SRGAP1: variants seen among roughly 807,000 people sequenced by gnomAD.
SRGAP1 encodes SLIT-ROBO Rho GTPase-activating protein 1.
Under a neutral mutation model 121.9 loss-of-function variants are expected in SRGAP1, and 43 were observed. The observed-to-expected ratio is 0.35, with a 90% CI of 0.28 to 0.46. The LOEUF (loss-of-function observed/expected upper bound fraction) is 0.46. SRGAP1 is among the 20% of genes least tolerant of loss of function. The pLI is 1.00. For synonymous variants in SRGAP1, 447 were observed against 485.4 expected (o/e 0.92, Z 1.04); for missense variants, 1,102 against 1,350.9 (o/e 0.82, Z 2.89).
rs1181988095 is a variant in SRGAP1, at chr12:64,115,867, G to T, written c.2198G>T (p.Gly733Val). ...GTLEEVDQDAGTEPHTSEDEC... is the reference protein window; with the variant it reads ...GTLEEVDQDAVTEPHTSEDEC... ...TTGGAGGAAGTGGACCAAGATGCTG[G>T]TACAGAGCCCCACACAAGTGAAGAT... Residue 733 changes from glycine (G) to valine (V), a missense_variant, in exon 18 of 22, where the codon GGT becomes GTT. By Grantham distance (109) the Gly-to-Val change is moderately radical (BLOSUM62 -3). This residue lies in a region of SRGAP1 where 747 missense variants were observed against 929.4 expected (regional missense o/e 0.80). Coordinates refer to ENST00000355086, the MANE Select transcript of SRGAP1 (RefSeq NM_020762.4). 3.1e-6 allele frequency: 5 copies of T among 1,613,266 alleles called. No individual in the cohort carries two copies. Among genetic ancestry groups the T allele is most frequent in the Non-Finnish European group, 4.2e-6 (5 of 1,179,608 alleles).
intron 6 of SRGAP1, among the ~76,000 whole-genome samples, chr12:64,055,139 A>G (rs1290685799): frequency 2.0e-5 from 3 of 150,622 alleles, no homozygotes; most frequent in Non-Finnish European, 2.9e-5. Context: ...TAAGCTGATA[A>G]GCAACTTCAG....
At chr12:64,069,375 A>AT (rs2035599956) in intron 8 of SRGAP1, among the ~76,000 whole-genome samples, 1 of 152,214 alleles carries the variant, frequency 6.6e-6, no homozygotes, top group Admixed American at 6.5e-5. Flanking sequence ...TTCATAAGAG[A>AT]TTGTGACATT....
intron 1 of SRGAP1, among the ~76,000 whole-genome samples, chr12:63,959,423 C>G (rs1165915570): frequency 6.6e-6 from 1 of 152,036 alleles, no homozygotes; most frequent in Non-Finnish European, 1.5e-5. Context: ...GTTGTGAAGT[C>G]CAGTGCAATA....
Position 64,051,870 on chromosome 12 carries a change from A to T in SRGAP1, c.801+8295A>T, listed in dbSNP as rs150314578. 2.5e-3 allele frequency among the ~76,000 whole-genome samples: 374 copies of T among 152,260 alleles called. 1 individual carries two copies. Among genetic ancestry groups the T allele is most frequent in the African/African-American group, 8.5e-3 (352 of 41,552 alleles). On this transcript the variant is annotated intron_variant, in intron 6 of 21. Coordinates refer to ENST00000355086, the MANE Select transcript of SRGAP1 (RefSeq NM_020762.4). ...TATAAATAATGGTTTTTGGAGGTCT[A>T]CTGAAATGTATTTTTAGTAAATCTT...
In SRGAP1 at chr12:64,080,536, G is replaced by A. The variant is rs1313134849; in HGVS notation, c.1408+166G>A. ...TGTCATGATTAAGTTCTCCTGGCAC[G>A]ATTTTCTTCTAAAGCATGGTGCTAA... On this transcript the variant is annotated intron_variant, in intron 10 of 21. Coordinates refer to ENST00000355086, the MANE Select transcript of SRGAP1 (RefSeq NM_020762.4). 1.3e-5 allele frequency: 9 copies of A among 713,502 alleles called. No homozygotes were observed. In the Middle Eastern group the frequency reaches 9.7e-4, roughly 77 times the overall value. The allele number at this position is 713,502 out of a possible 1,614,324, so 44.2% of individuals were successfully genotyped here.
At chr12:63,939,516 G>A (rs983018970) in intron 1 of SRGAP1, among the ~76,000 whole-genome samples, 1 of 152,024 alleles carries the variant, frequency 6.6e-6, no homozygotes, top group Non-Finnish European at 1.5e-5. Flanking sequence ...AGAAAAAAAG[G>A]CATCCAGGGA....
chr12:64,002,369 T>C (rs1463368247), intron 3 of SRGAP1, among the ~76,000 whole-genome samples: 1 of 152,132 alleles, frequency 6.6e-6, no homozygotes, highest in Non-Finnish European at 1.5e-5. Flanking sequence ...CAACAACCTG[T>C]TGTTTTATTT....
intron 1 of SRGAP1, among the ~76,000 whole-genome samples, chr12:63,865,431 T>C (rs1899593668): frequency 6.6e-6 from 1 of 152,084 alleles, no homozygotes; most frequent in Non-Finnish European, 1.5e-5. Flanking sequence ...ATCCTGCCAC[T>C]GTACTCCAGC....
chr12:63,871,996 C>T lies in SRGAP1; in HGVS notation c.67+27113C>T, dbSNP rs571219452. ...TTGCCCTTCTTATACTGTGTCACTT[C>T]GTCAGGTGATGCTTACAAAGGTTCT... On this transcript the variant is annotated intron_variant, in intron 1 of 21. Coordinates refer to ENST00000355086, the MANE Select transcript of SRGAP1 (RefSeq NM_020762.4). The T allele has an allele frequency of 8.1e-5, 74 of 917,352 alleles. 1 individual carries two copies. The highest frequency in any genetic ancestry group is 1.2e-4 in the Non-Finnish European group (63 of 547,586). The allele number at this position is 917,352 out of a possible 1,614,324, so 56.8% of individuals were successfully genotyped here. A position where few individuals can be genotyped will look rare whatever the true frequency, so the allele number is the denominator to read the frequency against.
intron 10 of SRGAP1, among the ~76,000 whole-genome samples, chr12:64,082,609 C>G (rs1486720895): frequency 3.3e-5 from 5 of 152,242 alleles, no homozygotes; most frequent in African/African-American, 1.2e-4. Flanking sequence ...GCCACCACGC[C>G]CAGCTAATTT....
At chr12:63,994,276 A>T (rs1455152728) in intron 3 of SRGAP1, among the ~76,000 whole-genome samples, 1 of 152,212 alleles carries the variant, frequency 6.6e-6, no homozygotes, top group Non-Finnish European at 1.5e-5. Flanking sequence ...ATGTGAGATT[A>T]TACCAAATAT....
intron 1 of SRGAP1, among the ~76,000 whole-genome samples, chr12:63,921,348 C>T (rs1298090691): frequency 1.3e-5 from 2 of 152,160 alleles, no homozygotes; most frequent in Non-Finnish European, 2.9e-5. Flanking sequence ...AGTTCAAAAC[C>T]CTTCAAGACT....
chr12:63,948,214 A>G (rs1231842078), intron 1 of SRGAP1, among the ~76,000 whole-genome samples: 1 of 152,138 alleles, frequency 6.6e-6, no homozygotes, highest in Non-Finnish European at 1.5e-5. Flanking sequence ...TCCTTTAGTT[A>G]CCATTATCAC....
intron 3 of SRGAP1, among the ~76,000 whole-genome samples, chr12:64,002,805 A>C (rs1010835392): frequency 5.3e-5 from 8 of 152,152 alleles, no homozygotes; most frequent in Admixed American, 3.3e-4. Context: ...TCCTGATAGA[A>C]TAAAATTATC....
chr12:63,864,286 G>GAAT (rs760954085), intron 1 of SRGAP1, among the ~76,000 whole-genome samples: 3 of 152,128 alleles, frequency 2.0e-5, no homozygotes, highest in Non-Finnish European at 2.9e-5. Context: ...CTGTGAAACA[G>GAAT]AATAAAAATT....
At chr12:64,069,905 A>G (rs1593098438) in intron 8 of SRGAP1, among the ~76,000 whole-genome samples, 2 of 152,110 alleles carry the variant, frequency 1.3e-5, no homozygotes, top group South Asian at 4.1e-4. Context: ...ATGCCCAGCT[A>G]CTTTTTTATT....
chr12:64,127,982 A>C lies in SRGAP1; in HGVS notation c.2662A>C (p.Ser888Arg), dbSNP rs375183261. The C allele has an allele frequency of 6.2e-7, 1 of 1,614,160 alleles. No individual in the cohort carries two copies. The highest frequency in any genetic ancestry group is 2.2e-5 in the East Asian group (1 of 44,870). ...CTCCTCAGTTGACCTAGGGTCCCCA[A>C]GCCTTGCCAGTCACCCCCGGGGCCT... ...SNSSVDLGSP[S>R]LASHPRGLLQ... The change falls in exon 21 of 22, where the codon AGC (serine) becomes CGC (arginine). Residue 888 changes from serine (S) to arginine (R), a missense_variant. Transcript: ENST00000355086.
At chr12:64,057,151 C>T (rs1467230162) in intron 6 of SRGAP1, among the ~76,000 whole-genome samples, 1 of 152,096 alleles carries the variant, frequency 6.6e-6, no homozygotes, top group African/African-American at 2.4e-5. Flanking sequence ...TTGGCTGAGG[C>T]ACATGCAACT....
intron 21 of SRGAP1, among the ~76,000 whole-genome samples, chr12:64,137,523 A>T (rs75086873): frequency 0.012 from 1,759 of 152,262 alleles, 37 homozygotes; most frequent in African/African-American, 0.04. Flanking sequence ...GGTGTTCATT[A>T]AAAAAATGCA....
Sources: gnomAD v4.1 joint callset for allele counts (sites outside exome capture counted in the v4.1 genomes callset) on GRCh38, gnomAD v4.1.1 for gene constraint, gnomAD v4.1.1 regional missense constraint, MANE v1.5 for transcripts, NCBI Gene and HGNC (gene_info 2026-07-23, HGNC 2026-07-21) for gene names.